The following SDK1 variants were observed in gnomAD, a reference collection of about 807,000 sequenced individuals.
The protein encoded by SDK1 is sidekick cell adhesion molecule 1.
Under a neutral mutation model 245.5 loss-of-function variants are expected in SDK1, and 157 were observed. The observed-to-expected ratio is 0.64, with a 90% CI of 0.56 to 0.73. The LOEUF is 0.73. Ranked by LOEUF, SDK1 falls within the 30% of genes least tolerant of loss-of-function variation. The probability of loss-of-function intolerance (pLI) is 0.00; values close to 1 mark genes in which losing one functional copy is unlikely to be tolerated. For missense variants in SDK1, 3,583 were observed against 3,002.3 expected (o/e 1.19, Z -4.52); for synonymous variants, 1,647 against 1,278.5 (o/e 1.29, Z -6.15).
chr7:3,966,051 G>A (rs1315632552), intron 9 of SDK1, among the ~76,000 whole-genome samples: 1 of 151,952 alleles, frequency 6.6e-6, no homozygotes, highest in Admixed American at 6.6e-5. Flanking sequence ...AGCAGAGAAG[G>A]GACATGAAAG....
intron 40 of SDK1, among the ~76,000 whole-genome samples, chr7:4,231,627 A>G (rs186823999): frequency 2.1e-5 from 3 of 142,872 alleles, no homozygotes; most frequent in South Asian, 2.5e-4. Context: ...AAGCAATCAG[A>G]GAGGGAGGGA....
At chr7:3,687,039 G>A (rs545989441) in intron 4 of SDK1, among the ~76,000 whole-genome samples, 2 of 123,540 alleles carry the variant, frequency 1.6e-5, no homozygotes, top group Middle Eastern at 4.1e-3. Context: ...CTCCAAACTG[G>A]GTTGGGATAG....
chr7:4,207,136 G>A (rs1197137555), intron 36 of SDK1, among the ~76,000 whole-genome samples: 9 of 152,332 alleles, frequency 5.9e-5, no homozygotes, highest in South Asian at 4.1e-4. Flanking sequence ...GGAAATGAAC[G>A]ATGCTCACCA....
At chr7:3,673,535 C>A (rs1442093058) in intron 4 of SDK1, among the ~76,000 whole-genome samples, 1 of 152,168 alleles carries the variant, frequency 6.6e-6, no homozygotes, top group South Asian at 2.1e-4. Context: ...CCATAGGCCC[C>A]GCCGGCCTGT....
intron 1 of SDK1, among the ~76,000 whole-genome samples, chr7:3,581,160 C>T (rs942732471): frequency 1.3e-5 from 2 of 151,958 alleles, no homozygotes; most frequent in African/African-American, 2.4e-5. Flanking sequence ...AAACTATCAA[C>T]AGAGTATGCA....
At chr7:3,511,875 C>G (rs1173489685) in intron 1 of SDK1, among the ~76,000 whole-genome samples, 1 of 148,448 alleles carries the variant, frequency 6.7e-6, no homozygotes, top group Admixed American at 6.8e-5. Context: ...TCTCGTATGT[C>G]TCCTGCCCCT....
chr7:3,587,452 A>G (rs1583199016), intron 1 of SDK1, among the ~76,000 whole-genome samples: 1 of 152,092 alleles, frequency 6.6e-6, no homozygotes, highest in African/African-American at 2.4e-5. Flanking sequence ...TGTTAGAGCC[A>G]GAGAGCCAAG....
chr7:3,701,522 T>A (rs1451732655), intron 4 of SDK1, among the ~76,000 whole-genome samples: 1 of 152,144 alleles, frequency 6.6e-6, no homozygotes, highest in Non-Finnish European at 1.5e-5. Context: ...ATTGCTTGAT[T>A]CCAGGATTTG....
intron 41 of SDK1, among the ~76,000 whole-genome samples, chr7:4,233,983 T>A (rs1785977526): frequency 6.6e-6 from 1 of 152,120 alleles, no homozygotes. Context: ...CGCAACAAAA[T>A]CATTCGCAAG....
intron 25 of SDK1, among the ~76,000 whole-genome samples, chr7:4,122,952 G>A (rs1784162220): frequency 1.3e-5 from 2 of 152,112 alleles, no homozygotes; most frequent in Admixed American, 1.3e-4. Context: ...CTTTGCTTTA[G>A]CTGCCTCACC....
chr7:3,532,728 A>G (rs985205789), intron 1 of SDK1, among the ~76,000 whole-genome samples: 2 of 152,190 alleles, frequency 1.3e-5, no homozygotes, highest in African/African-American at 4.8e-5. Context: ...GTTGGAAACT[A>G]GAGTCATCCT....
chr7:4,248,263 C>T (rs1330922213), intron 44 of SDK1, among the ~76,000 whole-genome samples: 2 of 151,702 alleles, frequency 1.3e-5, no homozygotes, highest in African/African-American at 2.4e-5. Context: ...GAACACACAA[C>T]ACACACACCT....
chr7:3,947,161 A>G (rs935405299), intron 5 of SDK1, among the ~76,000 whole-genome samples: 32 of 152,114 alleles, frequency 2.1e-4, no homozygotes, highest in Non-Finnish European at 1.5e-5. Flanking sequence ...GCATGCATGC[A>G]TGCACACACA....
chr7:4,124,858 T>C (rs1427913033), intron 25 of SDK1, among the ~76,000 whole-genome samples: 2 of 151,828 alleles, frequency 1.3e-5, no homozygotes, highest in Non-Finnish European at 1.5e-5. Context: ...GATGGGCGAA[T>C]GGATGGATGG....
intron 1 of SDK1, among the ~76,000 whole-genome samples, chr7:3,433,451 C>T (rs59321569): frequency 6.6e-6 from 1 of 152,036 alleles, no homozygotes; most frequent in African/African-American, 2.4e-5. Context: ...AAGGAAGGTT[C>T]CTGGATTATT....
intron 2 of SDK1, among the ~76,000 whole-genome samples, chr7:3,629,077 G>T (rs1316586605): frequency 6.6e-6 from 1 of 151,816 alleles, no homozygotes; most frequent in Non-Finnish European, 1.5e-5. Context: ...CAGATCACGA[G>T]GTCAGGTGAT....
chr7:3,748,419 T>C (rs966547667), intron 4 of SDK1, among the ~76,000 whole-genome samples: 2 of 152,232 alleles, frequency 1.3e-5, no homozygotes, highest in Non-Finnish European at 2.9e-5. Context: ...GTATATATTA[T>C]AACGGGCTTA....
intron 22 of SDK1, among the ~76,000 whole-genome samples, chr7:4,088,135 G>A (rs1056457575): frequency 6.6e-6 from 1 of 152,156 alleles, no homozygotes; most frequent in Non-Finnish European, 1.5e-5. Context: ...ATTGGAGCCT[G>A]CAAACCTCGG....
chr7:4,252,596 G>C (rs955112250), intron 44 of SDK1, among the ~76,000 whole-genome samples: 1 of 152,014 alleles, frequency 6.6e-6, no homozygotes, highest in African/African-American at 2.4e-5. Flanking sequence ...ATACTTATAA[G>C]GGATATAGGT....
Sources: gnomAD v4.1 joint callset for allele counts (sites outside exome capture counted in the v4.1 genomes callset) on GRCh38, gnomAD v4.1.1 for gene constraint, MANE v1.5 for transcripts, NCBI Gene and HGNC (gene_info 2026-07-23, HGNC 2026-07-21) for gene names.